Variants in PCNX3 observed in about 807,000 individuals in gnomAD.
PCNX3 encodes pecanex 3.
Under a neutral mutation model 207.2 loss-of-function variants are expected in PCNX3, and 58 were observed. The ratio of observed to expected loss-of-function variants is 0.28; its 90% CI spans 0.23 to 0.35. The LOEUF (loss-of-function observed/expected upper bound fraction) is 0.35. PCNX3 is among the 10% of genes least tolerant of loss of function. PCNX3 has a pLI of 1.00. For missense variants in PCNX3, 2,410 were observed against 2,774.4 expected, an observed-to-expected ratio of 0.87 and a Z score of 2.95; for synonymous variants, 1,337 against 1,183.5, an observed-to-expected ratio of 1.13 and a Z score of -2.66.
In PCNX3 at chr11:65,617,407, G is replaced by C. The variant is rs1042540042; in HGVS notation, c.441+58G>C. ...GTCCCTCTGCGAGCCAGTCCCTACT[G>C]TGGGTGCATCCTGAGCCTACTTCTT... is the stretch of plus-strand genomic sequence containing the variant. On this transcript the variant is annotated intron_variant, in intron 3 of 34. Coordinates refer to ENST00000355703, the MANE Select transcript of PCNX3 (RefSeq NM_032223.4). The C allele has an allele frequency of 3.9e-5, 63 of 1,613,556 alleles. No homozygotes were observed. In the Admixed American group the frequency reaches 1.0e-3, roughly 26 times the overall value.
At chr11:65,626,591 T>C in intron 20 of PCNX3, 1 of 462,074 alleles carries the variant, frequency 2.2e-6, no homozygotes, top group Non-Finnish European at 4.0e-6. Context: ...AGGGCCCAGC[T>C]CACGGGCTCA....
chr11:65,626,903 G>A lies in PCNX3; in HGVS notation c.3380-1G>A. 6.3e-7 allele frequency: 1 copy of A among 1,584,882 alleles called. No homozygotes were observed. ...TGCAGAGTCCTGGCCTCTCCACACA[G>A]GTGCCGCCCAGGTGATGTGGTTTGA... is the stretch of plus-strand genomic sequence containing the variant. On this transcript the variant is annotated splice_acceptor_variant, in intron 20 of 34. Coordinates refer to ENST00000355703, the MANE Select transcript of PCNX3 (RefSeq NM_032223.4). LOFTEE classifies it high-confidence loss of function.
intron 20 of PCNX3, chr11:65,626,461 A>G: frequency 5.1e-6 from 2 of 394,894 alleles, no homozygotes; most frequent in Non-Finnish European, 9.7e-6. Flanking sequence ...TAGCATCTCG[A>G]TTTGAGATAT....
chr11:65,615,807 C>G lies in PCNX3; in HGVS notation c.-505C>G, dbSNP rs984317911. 1 of 152,172 alleles carries G rather than the reference C, an allele frequency of 6.6e-6. No homozygotes were observed. Among genetic ancestry groups the G allele is most frequent in the Non-Finnish European group, 1.5e-5 (1 of 68,106 alleles). The allele number at this position is 152,172 out of a possible 1,614,324, so 9.4% of individuals were successfully genotyped here. ...GCCACTGCAGGCTGGCGGTTCGCGG[C>G]TCCTTCTTCCGGCCTCCTCCTTAGG... On this transcript the variant is annotated 5_prime_UTR_variant, in exon 1 of 35. Coordinates refer to ENST00000355703, the MANE Select transcript of PCNX3 (RefSeq NM_032223.4).
At position 65,623,961 on chromosome 11, in the gene PCNX3, C is replaced by T. The variant is rs756638004; in HGVS notation, c.2544C>T (p.His848=). ...SVQPDAASPM[H]GHNWVIAYSR... Reference sequence around the variant, plus strand: ...AGCCTGATGCGGCGTCCCCCATGCACGTGAGTACCCATGGAGCAGCGCCTC... The same window carrying T: ...AGCCTGATGCGGCGTCCCCCATGCATGTGAGTACCCATGGAGCAGCGCCTC... Residue 848 remains histidine, a splice_region_variant and synonymous_variant, in exon 13 of 35, where the codon CAC becomes CAT. Transcript: ENST00000355703. 67 of 1,611,602 alleles carry T rather than the reference C, an allele frequency of 4.2e-5. No individual in the cohort carries two copies. The highest frequency in any genetic ancestry group is 2.5e-4 in the South Asian group (23 of 91,094).
chr11:65,617,131 C>T, intron 2 of PCNX3, 119 bp from the exon 3 acceptor site: 2 of 1,375,314 alleles, frequency 1.5e-6, no homozygotes, highest in South Asian at 1.3e-5. Flanking sequence ...AACACTTGTC[C>T]TGTGTTAGCC....
intron 2 of PCNX3, 113 bp downstream of exon 2, chr11:65,617,124 A>C: frequency 1.4e-6 from 2 of 1,390,642 alleles, no homozygotes; most frequent in Non-Finnish European, 2.0e-6. Flanking sequence ...GATTGTGAAC[A>C]CTTGTCCTGT....
intron 20 of PCNX3, 170 bp from the exon 21 acceptor site, chr11:65,626,734 C>T (rs1855409367): frequency 1.2e-6 from 1 of 864,352 alleles, no homozygotes; most frequent in Non-Finnish European, 1.8e-6. Flanking sequence ...CCATGTGGAG[C>T]CCTTGCCCTG....
At position 65,620,363 on chromosome 11, in the gene PCNX3, G is replaced by T; in HGVS notation, c.2033G>T (p.Gly678Val). Residue 678 changes from glycine to valine, a missense_variant, in exon 9 of 35, where the codon GGC (glycine) becomes GTC (valine). By Grantham distance (109) the Gly-to-Val change is moderately radical. Coordinates refer to ENST00000355703, the MANE Select transcript of PCNX3 (RefSeq NM_032223.4). The part of the protein sequence containing the change: ...ESGVRRSYTF[G>V]LAGGGYENPV... ...GGTGTGCGGCGTTCCTACACCTTTG[G>T]CCTGGCTGGAGGCGGCTACGAGAAC... 1 of 1,613,472 alleles carries T rather than the reference G, an allele frequency of 6.2e-7. No individual in the cohort carries two copies.
intron 3 of PCNX3, 59 bp downstream of exon 3, chr11:65,617,408 T>C: frequency 1.9e-6 from 3 of 1,613,562 alleles, no homozygotes; most frequent in Non-Finnish European, 2.5e-6. Context: ...GTCCCTACTG[T>C]GGGTGCATCC....
intron 10 of PCNX3, 48 bp downstream of exon 10, chr11:65,621,014 G>C: frequency 6.7e-7 from 1 of 1,488,626 alleles, no homozygotes; most frequent in Non-Finnish European, 8.9e-7. Flanking sequence ...GTGACGGGGC[G>C]GGCAGATCAC....
Position 65,625,881 on chromosome 11 carries a change from T to TC in PCNX3, c.3229-22dup. On this transcript the variant is annotated intron_variant, in intron 19 of 34. Coordinates refer to ENST00000355703, the MANE Select transcript of PCNX3 (RefSeq NM_032223.4). The surrounding 1 kb of genome is among the most constrained non-coding windows in gnomAD (Gnocchi z 5.6). ...CCTTGGCCTGCTCCCATCAGCTGAGTCTCTGGCCTCTCCCTCCTGCAGTCG... is the reference window on the plus strand; with the variant it reads ...CCTTGGCCTGCTCCCATCAGCTGAGTCCTCTGGCCTCTCCCTCCTGCAGTCG... 6 of 1,608,566 alleles carry TC rather than the reference T, an allele frequency of 3.7e-6. No homozygotes were observed. The highest frequency in any genetic ancestry group is 5.1e-6 in the Non-Finnish European group (6 of 1,176,830).
intron 33 of PCNX3, 28 bp downstream of exon 33, chr11:65,636,335 G>A (rs370154830): frequency 5.0e-5 from 81 of 1,608,640 alleles, no homozygotes; most frequent in East Asian, 8.9e-5. Context: ...GGCTGAACCC[G>A]TGGGTGAGGA....
Position 65,635,291 on chromosome 11 carries a change from G to A in PCNX3, c.5027G>A (p.Arg1676Gln), listed in dbSNP as rs778429230. The A allele has an allele frequency of 4.4e-6, 7 of 1,594,876 alleles. No homozygotes were observed. The East Asian group carries it at 6.9e-5, about 16-fold the overall frequency. ...LYDAIAANEE[R>Q]LVISHEGDPA... is the part of the protein sequence containing the mutation. ...GATGCCATTGCGGCCAACGAGGAGC[G>A]GCTGGTCATCTCACATGAGGGTGAC... The change falls in exon 31 of 35, where the codon CGG becomes CAG. Residue 1676 changes from arginine to glutamine, a missense_variant. By Grantham distance (43) the Arg-to-Gln change is conservative. Coordinates refer to ENST00000355703, the MANE Select transcript of PCNX3 (RefSeq NM_032223.4). This position sits in a 1 kb window ranked among gnomAD's most constrained non-coding sequence, Gnocchi z 9.9.
At chr11:65,621,014 G>A (rs377728059) in intron 10 of PCNX3, 48 bp downstream of exon 10, 23 of 1,488,504 alleles carry the variant, frequency 1.5e-5, no homozygotes, top group East Asian at 2.5e-5. Context: ...GTGACGGGGC[G>A]GGCAGATCAC....
chr11:65,617,477 T>TGCCC lies in PCNX3; in HGVS notation c.450_453dup (p.Arg152AlafsTer10), dbSNP rs1338594296. On this transcript the variant is annotated frameshift_variant, in exon 4 of 35. Transcript: ENST00000355703. LOFTEE classifies it high-confidence loss of function. ...GGCTCTCTGTCTACTCAGGAGCTGCTGCCCCGAATGGAGGACTCTGGGCCC... is the reference window on the plus strand; with the variant it reads ...GGCTCTCTGTCTACTCAGGAGCTGCTGCCCGCCCCGAATGGAGGACTCTGGGCCC... 1 of 1,613,838 alleles carries TGCCC rather than the reference T, an allele frequency of 6.2e-7. No homozygotes were observed. Among genetic ancestry groups the TGCCC allele is most frequent in the African/African-American group, 1.3e-5 (1 of 74,906 alleles).
chr11:65,626,067 C>A lies in PCNX3; in HGVS notation c.3379+13C>A. ...TATGAAGTGCGCGGTGAGTGCCCAC[C>A]CCTGATGGCCAGGCCTGGGCAGTGG... On this transcript the variant is annotated intron_variant, in intron 20 of 34. Coordinates refer to ENST00000355703, the MANE Select transcript of PCNX3 (RefSeq NM_032223.4). 1.3e-6 allele frequency: 2 copies of A among 1,589,634 alleles called. No homozygotes were observed. Among genetic ancestry groups the A allele is most frequent in the African/African-American group, 1.3e-5 (1 of 74,540 alleles).
intron 7 of PCNX3, 29 bp from the exon 8 acceptor site, chr11:65,619,725 G>A: frequency 6.4e-7 from 1 of 1,561,644 alleles, no homozygotes; most frequent in Non-Finnish European, 8.6e-7. Context: ...AGCTCTAGCT[G>A]GCGCTGACCT....
chr11:65,621,211 T>C (rs1855077226), intron 10 of PCNX3, among the ~76,000 whole-genome samples: 1 of 152,196 alleles, frequency 6.6e-6, no homozygotes, highest in African/African-American at 2.4e-5. Context: ...TTCCTAACTC[T>C]GGAGGGTCCC....
Sources: allele counts gnomAD v4.1 joint callset (sites outside exome capture counted in the v4.1 genomes callset), GRCh38; gene constraint gnomAD v4.1.1; non-coding constraint Gnocchi (gnomAD v3.1); transcripts MANE v1.5; gene names NCBI Gene and HGNC (gene_info 2026-07-23, HGNC 2026-07-21).